The following DIPK1A variants were observed in gnomAD, a reference collection of about 807,000 sequenced individuals.
DIPK1A encodes divergent protein kinase domain 1A, also known as family with sequence similarity 69 member A.
A neutral mutation model predicts 40.8 loss-of-function variants in DIPK1A; 27 were observed. That is an observed-to-expected ratio of 0.66 (90% CI 0.49 to 0.91). The LOEUF (loss-of-function observed/expected upper bound fraction) is 0.91, where lower values mean the gene tolerates loss of function less well. Among genes scored for constraint, DIPK1A ranks in the 40% least tolerant of loss-of-function variants. The pLI is 0.00. For missense variants in DIPK1A, 412 were observed against 505.7 expected (o/e 0.81, Z 1.78); for synonymous variants, 166 against 171.3 (o/e 0.97, Z 0.24).
intron 1 of DIPK1A, among the ~76,000 whole-genome samples, chr1:92,905,268 T>A (rs1649573562): frequency 6.6e-6 from 1 of 152,132 alleles, no homozygotes; most frequent in Non-Finnish European, 1.5e-5. Context: ...TACATTCCCA[T>A]CAAAAACATA....
chr1:92,896,607 T>C (rs1332239964), intron 1 of DIPK1A, among the ~76,000 whole-genome samples: 1 of 148,676 alleles, frequency 6.7e-6, no homozygotes, highest in Non-Finnish European at 1.5e-5. Context: ...AAGGACTTCG[T>C]GTCTAAAACA....
chr1:92,919,091 T>C (rs1489180908), intron 1 of DIPK1A, among the ~76,000 whole-genome samples: 3 of 152,164 alleles, frequency 2.0e-5, no homozygotes, highest in Non-Finnish European at 4.4e-5. Flanking sequence ...ATATTCTGTA[T>C]CCTCAACAAG....
chr1:92,902,046 C>T (rs1010256475), intron 1 of DIPK1A, among the ~76,000 whole-genome samples: 4 of 151,996 alleles, frequency 2.6e-5, no homozygotes, highest in East Asian at 3.8e-4. Context: ...GTGGGGGACG[C>T]GGGAGGGCAG....
At chr1:92,953,567 T>C (rs983477336) in intron 1 of DIPK1A, among the ~76,000 whole-genome samples, 5 of 152,324 alleles carry the variant, frequency 3.3e-5, no homozygotes, top group African/African-American at 9.6e-5. Context: ...TGGAATACTA[T>C]TCACCTTTAA....
In DIPK1A at chr1:92,929,382, C is replaced by T. The variant is rs193071697; in HGVS notation, c.54+31994G>A. On this transcript the variant is annotated intron_variant, in intron 1 of 4. Coordinates refer to ENST00000370310, the MANE Select transcript of DIPK1A (RefSeq NM_001006605.5). ...CCATTCTTTTAGCTTCCACGTGCTG[C>T]TTTTTCATTGCATTTCCTGGGCCTC... Among the ~76,000 whole-genome samples the T allele has an allele frequency of 1.3e-3, 199 of 152,308 alleles. 1 individual carries two copies. The highest frequency in any genetic ancestry group is 4.6e-3 in the African/African-American group (190 of 41,558).
At chr1:92,851,830 G>C (rs1452581710) in intron 2 of DIPK1A, among the ~76,000 whole-genome samples, 2 of 152,174 alleles carry the variant, frequency 1.3e-5, no homozygotes, top group East Asian at 3.9e-4. Flanking sequence ...CACCAAGTAG[G>C]TGGTACATCT....
intron 2 of DIPK1A, among the ~76,000 whole-genome samples, chr1:92,868,870 G>A (rs1331702969): frequency 6.6e-6 from 1 of 151,672 alleles, no homozygotes; most frequent in Non-Finnish European, 1.5e-5. Context: ...GGAGGCTGAG[G>A]CAGGAGAATT....
At chr1:92,841,114 T>C (rs987963778), downstream of DIPK1A, among the ~76,000 whole-genome samples, 1 of 152,270 alleles carries the variant, frequency 6.6e-6, no homozygotes, top group Non-Finnish European at 1.5e-5. Context: ...TTCATCATGC[T>C]GTGCAATAGA....
chr1:92,941,227 A>G (rs1651139466), intron 1 of DIPK1A, among the ~76,000 whole-genome samples: 1 of 152,226 alleles, frequency 6.6e-6, no homozygotes, highest in South Asian at 2.1e-4. Flanking sequence ...TCAGCTATTA[A>G]AAAACAGAAT....
chr1:92,890,293 C>T (rs112905377), intron 1 of DIPK1A, among the ~76,000 whole-genome samples: 2,168 of 152,198 alleles, frequency 0.014, 56 homozygotes, highest in African/African-American at 0.049. Context: ...CTTTCTAACT[C>T]GAATGCCCTT....
chr1:92,953,753 C>CGTTCAATGG (rs1651730807), intron 1 of DIPK1A, among the ~76,000 whole-genome samples: 1 of 152,072 alleles, frequency 6.6e-6, no homozygotes, highest in Non-Finnish European at 1.5e-5. Flanking sequence ...AATGAGGAGT[C>CGTTCAATGG]GTTCAATGGG....
intron 1 of DIPK1A, among the ~76,000 whole-genome samples, chr1:92,889,742 G>A (rs997003957): frequency 6.6e-6 from 1 of 151,850 alleles, no homozygotes; most frequent in Non-Finnish European, 1.5e-5. Flanking sequence ...CTGTCTCCTG[G>A]GCTCAAGCAA....
intron 1 of DIPK1A, 132 bp downstream of exon 1, chr1:92,961,244 G>C (rs1295344273): frequency 9.1e-6 from 4 of 441,530 alleles, no homozygotes; most frequent in Admixed American, 5.0e-5. Context: ...GGTGCCGGAC[G>C]GCAGGGGGCA....
chr1:92,932,512 T>G (rs1291035990), intron 1 of DIPK1A: 1 of 151,932 alleles, frequency 6.6e-6, no homozygotes, highest in Non-Finnish European at 1.5e-5. Flanking sequence ...CCTGTAACAG[T>G]GTTTATCATT....
intron 1 of DIPK1A, among the ~76,000 whole-genome samples, chr1:92,893,920 T>C (rs896758360): frequency 7.3e-5 from 11 of 151,380 alleles, no homozygotes; most frequent in African/African-American, 2.7e-4. Context: ...CATTACATAA[T>C]GGTAAAGGGA....
intron 1 of DIPK1A, among the ~76,000 whole-genome samples, chr1:92,935,248 T>C (rs1650902638): frequency 6.6e-6 from 1 of 152,208 alleles, no homozygotes; most frequent in South Asian, 2.1e-4. Flanking sequence ...GTTGCTCACA[T>C]CTTAAACTCT....
At chr1:92,833,210 A>C in intron 4 of DIPK1A, 1 of 653,580 alleles carries the variant, frequency 1.5e-6, no homozygotes, top group Non-Finnish European at 2.8e-6. Flanking sequence ...AGTCTGTGAC[A>C]TGGAAGGTAG....
At chr1:92,925,834 G>C (rs973701435) in intron 1 of DIPK1A, among the ~76,000 whole-genome samples, 3 of 152,030 alleles carry the variant, frequency 2.0e-5, no homozygotes, top group African/African-American at 7.2e-5. Context: ...TGTCAGTTTT[G>C]GAAAGCTGCA....
intron 4 of DIPK1A, chr1:92,836,413 C>G: frequency 3.1e-6 from 5 of 1,606,374 alleles, no homozygotes; most frequent in Non-Finnish European, 4.3e-6. Context: ...TATTTAAGAC[C>G]TTGGTGCCTG....
Sources: gnomAD v4.1 joint callset for allele counts (sites outside exome capture counted in the v4.1 genomes callset) on GRCh38, gnomAD v4.1.1 for gene constraint, MANE v1.5 for transcripts, NCBI Gene and HGNC (gene_info 2026-07-23, HGNC 2026-07-21) for gene names.